Variants in PRELID2 observed in about 807,000 individuals in gnomAD.
PRELID2 encodes PRELI domain-containing protein 2.
In PRELID2, 25 loss-of-function variants were observed where a neutral mutation model predicts 28.4. The observed-to-expected ratio is 0.88, with a 90% CI of 0.64 to 1.23. The LOEUF is 1.23. Among genes scored for constraint, PRELID2 ranks in the 50% most tolerant of loss-of-function variants. The pLI is 0.00. For missense variants in PRELID2, 201 were observed against 214.4 expected (o/e 0.94, Z 0.39); for synonymous variants, 76 against 71.6 (o/e 1.06, Z -0.31).
At chr5:145,771,795 C>T (rs1033451763) in intron 5 of PRELID2, among the ~76,000 whole-genome samples, 36 of 151,848 alleles carry the variant, frequency 2.4e-4, no homozygotes, top group African/African-American at 5.6e-4. Context: ...GCGAAGATTG[C>T]GGTGAGCCGA....
intron 1 of PRELID2, among the ~76,000 whole-genome samples, chr5:145,522,995 A>G (rs1752576963): frequency 6.6e-6 from 1 of 152,216 alleles, no homozygotes; most frequent in African/African-American, 2.4e-5. Context: ...TTAAAACAAT[A>G]CAGTAATTGG....
intron 1 of PRELID2, among the ~76,000 whole-genome samples, chr5:145,661,906 T>C (rs1754502632): frequency 1.3e-5 from 2 of 151,972 alleles, no homozygotes; most frequent in Non-Finnish European, 2.9e-5. Context: ...ATAATAAACA[T>C]CTCAGAACAG....
intron 4 of PRELID2, among the ~76,000 whole-genome samples, chr5:145,806,808 C>A (rs1441787979): frequency 6.6e-6 from 1 of 152,130 alleles, no homozygotes; most frequent in Non-Finnish European, 1.5e-5. Flanking sequence ...GTTTCCCCTG[C>A]ACTCTATCTC....
the PRELID2 span, among the ~76,000 whole-genome samples, chr5:145,418,666 GC>G: frequency 1.3e-5 from 2 of 152,148 alleles, no homozygotes; most frequent in African/African-American, 2.4e-5. Context: ...AATAAATGGT[GC>G]TGGGAGAACT....
chr5:145,282,023 A>C, the PRELID2 span, among the ~76,000 whole-genome samples: 1 of 152,218 alleles, frequency 6.6e-6, no homozygotes, highest in Non-Finnish European at 1.5e-5. Context: ...TGAAATAAAT[A>C]ATAGCTGTTA....
At chr5:145,764,561 C>T (rs1009294039) in intron 6 of PRELID2, among the ~76,000 whole-genome samples, 3 of 152,206 alleles carry the variant, frequency 2.0e-5, no homozygotes, top group Non-Finnish European at 4.4e-5. Context: ...TCTCTTCCTG[C>T]TCCAATTACA....
chr5:145,286,147 C>T, the PRELID2 span, among the ~76,000 whole-genome samples: 1 of 152,138 alleles, frequency 6.6e-6, no homozygotes, highest in African/African-American at 2.4e-5. Flanking sequence ...AATTCATCTC[C>T]ACCACAACCC....
chr5:145,329,151 C>T, the PRELID2 span, among the ~76,000 whole-genome samples: 5 of 152,224 alleles, frequency 3.3e-5, no homozygotes, highest in South Asian at 1.0e-3. Context: ...GTTTTGTTAC[C>T]AATACCATGG....
At chr5:145,391,768 T>G in the PRELID2 span, among the ~76,000 whole-genome samples, 17 of 152,146 alleles carry the variant, frequency 1.1e-4, 1 homozygote, top group Admixed American at 9.2e-4. Flanking sequence ...CTTTGCTGCT[T>G]ACAAATTTTT....
chr5:145,394,559 G>A, the PRELID2 span, among the ~76,000 whole-genome samples: 1 of 152,024 alleles, frequency 6.6e-6, no homozygotes, highest in Non-Finnish European at 1.5e-5. Context: ...TTATGCACAT[G>A]TACCCTAAAA....
chr5:145,329,756 T>G, the PRELID2 span, among the ~76,000 whole-genome samples: 3,917 of 152,284 alleles, frequency 0.026, 160 homozygotes, highest in African/African-American at 0.089. Context: ...CTCTCCCTAT[T>G]TGAATACCCT....
chr5:145,661,669 A>ATT (rs1754496421), intron 1 of PRELID2, among the ~76,000 whole-genome samples: 1 of 134,870 alleles, frequency 7.4e-6, no homozygotes, highest in African/African-American at 3.6e-5. Flanking sequence ...AAGCCATTAA[A>ATT]AAAAAAAAAA....
At position 145,757,610 on chromosome 5, in the gene PRELID2, A is replaced by G. The variant is rs1323762961; in HGVS notation, c.*2926T>C. 6.6e-6 allele frequency among the ~76,000 whole-genome samples: 1 copy of G among 152,088 alleles called. No individual in the cohort carries two copies. Among genetic ancestry groups the G allele is most frequent in the Non-Finnish European group, 1.5e-5 (1 of 68,028 alleles). On this transcript the variant is annotated 3_prime_UTR_variant, in exon 7 of 7. Transcript: ENST00000683046. ...ACACAGTACAGAATAAAAAACATGG[A>G]CTTCTAAATGTTTTATCACAAAACA... is the stretch of plus-strand genomic sequence containing the variant.
intron 3 of PRELID2, 108 bp downstream of exon 3, chr5:145,819,837 A>G: frequency 1.3e-6 from 1 of 780,012 alleles, no homozygotes; most frequent in Non-Finnish European, 2.2e-6. Context: ...AGGTAAAAGG[A>G]GTAGGAAGTT....
chr5:145,299,995 A>G, the PRELID2 span, among the ~76,000 whole-genome samples: 1 of 151,978 alleles, frequency 6.6e-6, no homozygotes, highest in African/African-American at 2.4e-5. Flanking sequence ...GTCTTTTTTC[A>G]TTTCATTATG....
At chr5:145,244,905 C>A in the PRELID2 span, among the ~76,000 whole-genome samples, 1 of 152,034 alleles carries the variant, frequency 6.6e-6, no homozygotes, top group Admixed American at 6.6e-5. Flanking sequence ...TCAGGATTTA[C>A]TCCACATAAA....
chr5:145,308,259 G>A, the PRELID2 span, among the ~76,000 whole-genome samples: 2 of 152,308 alleles, frequency 1.3e-5, no homozygotes, highest in East Asian at 3.9e-4. Flanking sequence ...ATATGGATGG[G>A]TTTGTGATTT....
intron 1 of PRELID2, among the ~76,000 whole-genome samples, chr5:145,738,661 A>G (rs1756564496): frequency 6.6e-6 from 1 of 152,172 alleles, no homozygotes; most frequent in Non-Finnish European, 1.5e-5. Flanking sequence ...AACTGAAAGA[A>G]AAAAGTAGAC....
the PRELID2 span, among the ~76,000 whole-genome samples, chr5:145,401,021 C>T: frequency 6.6e-6 from 1 of 152,074 alleles, no homozygotes; most frequent in African/African-American, 2.4e-5. Flanking sequence ...ACCACTTAGA[C>T]TCTGAAAAGA....
Sources: allele counts gnomAD v4.1 joint callset (sites outside exome capture counted in the v4.1 genomes callset), GRCh38; gene constraint gnomAD v4.1.1; transcripts MANE v1.5; gene names NCBI Gene and HGNC (gene_info 2026-07-23, HGNC 2026-07-21).